The following CCDC91 variants were observed in gnomAD, a reference collection of about 807,000 sequenced individuals.
CCDC91 encodes the protein coiled-coil domain-containing protein 91.
A neutral mutation model predicts 63.2 loss-of-function variants in CCDC91; 48 were observed. That is an observed-to-expected ratio of 0.76 (90% CI 0.60 to 0.97). CCDC91 has a LOEUF of 0.97. CCDC91 is among the 50% of genes least tolerant of loss of function. CCDC91 has a pLI of 0.00. For missense variants in CCDC91, 500 were observed against 494.6 expected, an observed-to-expected ratio of 1.01 and a Z score of -0.10; for synonymous variants, 167 against 165.8, an observed-to-expected ratio of 1.01 and a Z score of -0.06.
chr12:28,335,939 T>A (rs1008349614), intron 6 of CCDC91, among the ~76,000 whole-genome samples: 1 of 151,384 alleles, frequency 6.6e-6, no homozygotes, highest in African/African-American at 2.4e-5. Flanking sequence ...AAGTTTGGAC[T>A]GTTTTTTTTT....
At chr12:28,421,544 C>CT (rs77369550) in intron 8 of CCDC91, among the ~76,000 whole-genome samples, 29,938 of 144,092 alleles carry the variant, frequency 0.21, 3,948 homozygotes, top group East Asian at 0.55. Flanking sequence ...TGATCTCTTT[C>CT]TTTTTTTTTT....
intron 2 of CCDC91, 34 bp downstream of exon 2, chr12:28,257,279 C>A: frequency 6.8e-7 from 1 of 1,474,158 alleles, no homozygotes; most frequent in Non-Finnish European, 9.5e-7. Flanking sequence ...TTTGTTTTAA[C>A]TTTGTGGGAT....
intron 1 of CCDC91, chr12:28,236,661 CTA>C (rs746576697): frequency 4.6e-4 from 70 of 151,918 alleles, no homozygotes; most frequent in Non-Finnish European, 9.4e-4. Flanking sequence ...AGTCGCTAGA[CTA>C]TGTTTGAAAG....
chr12:28,412,911 C>CTCT, intron 8 of CCDC91: 1 of 383,412 alleles, frequency 2.6e-6, no homozygotes, highest in Non-Finnish European at 5.2e-6. Context: ...GCTGGCCTCA[C>CTCT]CTCTCAATTC....
At chr12:28,407,951 C>CAT (rs942509013) in intron 8 of CCDC91, among the ~76,000 whole-genome samples, 19 of 113,882 alleles carry the variant, frequency 1.7e-4, no homozygotes, top group African/African-American at 5.8e-4. Flanking sequence ...TAGATATATA[C>CAT]ATATATATAT....
intron 8 of CCDC91, among the ~76,000 whole-genome samples, chr12:28,402,921 G>T (rs532517911): frequency 1.9e-4 from 29 of 152,152 alleles, no homozygotes; most frequent in African/African-American, 6.7e-4. Flanking sequence ...TTTTTCTTTA[G>T]CTTGTTGATA....
intron 3 of CCDC91, among the ~76,000 whole-genome samples, chr12:28,285,314 T>C (rs1948846777): frequency 6.6e-6 from 1 of 152,086 alleles, no homozygotes; most frequent in Non-Finnish European, 1.5e-5. Flanking sequence ...TCTTGCAGAC[T>C]CACTAATCTC....
chr12:28,546,217 A>G (rs1942979190), intron 12 of CCDC91, among the ~76,000 whole-genome samples: 1 of 152,080 alleles, frequency 6.6e-6, no homozygotes, highest in Non-Finnish European at 1.5e-5. Context: ...GCCTACTTAT[A>G]TGTCTCAAAA....
intron 12 of CCDC91, among the ~76,000 whole-genome samples, chr12:28,500,725 T>C (rs1937715691): frequency 2.0e-5 from 3 of 151,734 alleles, no homozygotes; most frequent in Non-Finnish European, 4.4e-5. Context: ...ATGTATTTAC[T>C]GTATAAAACC....
At chr12:28,255,018 C>A (rs1034471114) in intron 1 of CCDC91, among the ~76,000 whole-genome samples, 1 of 152,032 alleles carries the variant, frequency 6.6e-6, no homozygotes, top group African/African-American at 2.4e-5. Flanking sequence ...TCAGGTGATC[C>A]GCCTACCTCA....
At chr12:28,236,904 T>TA (rs1378553750) in intron 1 of CCDC91, 3 of 152,100 alleles carry the variant, frequency 2.0e-5, no homozygotes, top group Admixed American at 2.0e-4. Context: ...ACATTTCAAG[T>TA]AAAGAATTTG....
At chr12:28,443,493 A>C (rs550824888) in intron 8 of CCDC91, among the ~76,000 whole-genome samples, 5 of 152,028 alleles carry the variant, frequency 3.3e-5, no homozygotes, top group African/African-American at 7.2e-5. Context: ...ATGAATGCCT[A>C]TGTTTGTTTA....
chr12:28,346,573 T>C (rs552564536), intron 6 of CCDC91, among the ~76,000 whole-genome samples: 1 of 152,310 alleles, frequency 6.6e-6, no homozygotes, highest in South Asian at 2.1e-4. Context: ...GTTTTTTGCT[T>C]TTTTATTTTT....
intron 1 of CCDC91, among the ~76,000 whole-genome samples, chr12:28,202,729 A>C (rs927067850): frequency 6.6e-6 from 1 of 152,182 alleles, no homozygotes; most frequent in Non-Finnish European, 1.5e-5. Context: ...CACCTTTTCA[A>C]TTCTTTACTG....
chr12:28,526,194 C>A (rs1941246517), intron 12 of CCDC91, among the ~76,000 whole-genome samples: 1 of 150,356 alleles, frequency 6.7e-6, no homozygotes, highest in Non-Finnish European at 1.5e-5. Flanking sequence ...TTTTATAGGT[C>A]CTGTGAGATT....
At chr12:28,311,004 T>C (rs1939265201) in intron 6 of CCDC91, among the ~76,000 whole-genome samples, 1 of 152,054 alleles carries the variant, frequency 6.6e-6, no homozygotes, top group Admixed American at 6.6e-5. Context: ...ATATTTTGGG[T>C]ATTTTGTATG....
chr12:28,506,587 C>A (rs1938744794), intron 12 of CCDC91, among the ~76,000 whole-genome samples: 1 of 151,926 alleles, frequency 6.6e-6, no homozygotes, highest in Admixed American at 6.6e-5. Context: ...ACTATTTATT[C>A]ATTGTGTATG....
chr12:28,230,620 G>T (rs1944529479), intron 1 of CCDC91, among the ~76,000 whole-genome samples: 1 of 151,970 alleles, frequency 6.6e-6, no homozygotes, highest in Non-Finnish European at 1.5e-5. Context: ...TTTTTTTAAA[G>T]AAATTATGCT....
At chr12:28,485,445 C>T (rs1015301502) in intron 12 of CCDC91, among the ~76,000 whole-genome samples, 3 of 151,730 alleles carry the variant, frequency 2.0e-5, no homozygotes, top group African/African-American at 2.4e-5. Context: ...GGAATACAGG[C>T]ATGAGCCACC....
Sources: allele counts gnomAD v4.1 joint callset (sites outside exome capture counted in the v4.1 genomes callset), GRCh38; gene constraint gnomAD v4.1.1; transcripts MANE v1.5; gene names NCBI Gene and HGNC (gene_info 2026-07-23, HGNC 2026-07-21).